Variants in MPRIP observed in about 807,000 individuals in gnomAD.
MPRIP encodes myosin phosphatase Rho-interacting protein.
A neutral mutation model predicts 234.9 loss-of-function variants in MPRIP; 59 were observed. That is an observed-to-expected ratio of 0.25 (90% CI 0.20 to 0.31). MPRIP has a LOEUF of 0.31. MPRIP is among the 10% of genes least tolerant of loss of function. The probability of loss-of-function intolerance (pLI) is 1.00; values close to 1 mark genes in which losing one functional copy is unlikely to be tolerated. For missense variants in MPRIP, 2,436 were observed against 3,071.0 expected, an observed-to-expected ratio of 0.79 and a Z score of 4.89; for synonymous variants, 1,144 against 1,263.9, an observed-to-expected ratio of 0.91 and a Z score of 2.01.
chr17:17,047,026 A>G (rs750016857), intron 1 of MPRIP, among the ~76,000 whole-genome samples: 1 of 152,052 alleles, frequency 6.6e-6, no homozygotes, highest in Non-Finnish European at 1.5e-5. Flanking sequence ...AAAAATACAA[A>G]AACTAGCTGG....
rs144243723 is a variant in MPRIP, at chr17:17,098,041, A to G, written c.267+19965A>G. On this transcript the variant is annotated intron_variant, in intron 3 of 23. Coordinates refer to ENST00000651222, the MANE Select transcript of MPRIP (RefSeq NM_001364716.4). ...AGGAAGCTGGGGGTGATGGGCCTTC[A>G]TCCACCTGCCATGTTGCCTCCCTGC... is the stretch of plus-strand genomic sequence containing the variant. Among the ~76,000 whole-genome samples, 206 of 152,254 alleles carry G rather than the reference A, an allele frequency of 1.4e-3. 1 individual carries two copies. The highest frequency in any genetic ancestry group is 2.9e-3 in the Admixed American group (44 of 15,290).
rs1405862534 is a variant in MPRIP at position 17,167,962 on chromosome 17, G to A, written c.6324+47G>A. 7.9e-7 allele frequency: 1 copy of A among 1,260,026 alleles called. No individual in the cohort carries two copies. The highest frequency in any genetic ancestry group is 1.0e-6 in the Non-Finnish European group (1 of 964,320). The allele number at this position is 1,260,026 out of a possible 1,614,324, so 78.1% of individuals were successfully genotyped here. A position where few individuals can be genotyped will look rare whatever the true frequency, so the allele number is the denominator to read the frequency against. The stretch of plus-strand genomic sequence containing the variant: ...TGCAGAGCAGATCTTCCTTGATAAT[G>A]GGGTGGGTGTGGGGACGTCTGGCTC... On this transcript the variant is annotated intron_variant, in intron 16 of 23. Transcript: ENST00000651222. This position sits in a 1 kb window ranked among gnomAD's most constrained non-coding sequence, Gnocchi z 5.9.
intron 3 of MPRIP, among the ~76,000 whole-genome samples, chr17:17,113,052 C>G (rs2090205307): frequency 6.6e-6 from 1 of 152,230 alleles, no homozygotes; most frequent in Non-Finnish European, 1.5e-5. Context: ...CACTTGGGGA[C>G]TCCCCAGGGT....
chr17:17,168,199 T>A, intron 16 of MPRIP: 1 of 307,052 alleles, frequency 3.3e-6, no homozygotes, highest in South Asian at 2.8e-5. Flanking sequence ...GCCTGCCTAA[T>A]GCGGCCTCTC....
chr17:17,175,742 A>C (rs1340954294), intron 20 of MPRIP, among the ~76,000 whole-genome samples: 1 of 152,228 alleles, frequency 6.6e-6, no homozygotes, highest in East Asian at 1.9e-4. Flanking sequence ...GCTGCAGCTC[A>C]GGTCAGGGAG....
chr17:17,157,324 C>G (rs2045750491), intron 13 of MPRIP, among the ~76,000 whole-genome samples: 1 of 152,230 alleles, frequency 6.6e-6, no homozygotes, highest in Non-Finnish European at 1.5e-5. Flanking sequence ...TGAGCACGAC[C>G]TGCGCAGCTC....
chr17:17,113,312 G>A (rs1394081699), intron 3 of MPRIP, among the ~76,000 whole-genome samples: 2 of 152,218 alleles, frequency 1.3e-5, no homozygotes, highest in Non-Finnish European at 2.9e-5. Context: ...TTTGCCAGTA[G>A]CTGTTCTCAC....
intron 15 of MPRIP, among the ~76,000 whole-genome samples, 160 bp downstream of exon 15, chr17:17,161,516 A>G (rs1367562435): frequency 2.6e-5 from 4 of 152,296 alleles, no homozygotes; most frequent in South Asian, 4.1e-4. Flanking sequence ...TGGACACTCA[A>G]TGTGCTTGGG....
In MPRIP at chr17:17,172,811, T is replaced by A. The variant is rs1023568348; in HGVS notation, c.6586T>A (p.Tyr2196Asn). The A allele has an allele frequency of 6.2e-7, 1 of 1,611,406 alleles. No homozygotes were observed. The highest frequency in any genetic ancestry group is 8.5e-7 in the Non-Finnish European group (1 of 1,179,378). Residue 2196 changes from tyrosine (Y) to asparagine (N), a missense_variant, in exon 18 of 24, where the codon TAC (tyrosine) becomes AAC (asparagine). Physicochemically the swap from Tyr to Asn is moderately radical, Grantham distance 143 (BLOSUM62 -2). Coordinates refer to ENST00000651222, the MANE Select transcript of MPRIP (RefSeq NM_001364716.4). ...NSDVEALRRQ[Y>N]LEELQSVQRE... ...GGATGTTGAGGCCCTGCGGCGCCAG[T>A]ACCTGTAAGTGGCTGGGCCTGCCCA...
intron 1 of MPRIP, among the ~76,000 whole-genome samples, chr17:17,064,442 C>T (rs1456743731): frequency 6.6e-6 from 1 of 152,194 alleles, no homozygotes; most frequent in South Asian, 2.1e-4. Flanking sequence ...CCCATGTACC[C>T]CTTTGCCCAG....
chr17:17,153,190 G>A (rs763438108), intron 12 of MPRIP, among the ~76,000 whole-genome samples: 3 of 152,182 alleles, frequency 2.0e-5, no homozygotes, highest in Non-Finnish European at 4.4e-5. Context: ...GGCATGTGGA[G>A]GGGCAGGTCA....
At chr17:17,147,497 C>G in intron 11 of MPRIP, 110 bp downstream of exon 11, 1 of 1,055,822 alleles carries the variant, frequency 9.5e-7, no homozygotes, top group Admixed American at 1.8e-5. Flanking sequence ...CTTCTGAGGA[C>G]AGCGCCCTTC....
At position 17,064,648 on chromosome 17, in the gene MPRIP, TG is replaced by T. The variant is rs2088968590; in HGVS notation, c.124-11060del. Among the ~76,000 whole-genome samples, 43 of 152,326 alleles carry T rather than the reference TG, an allele frequency of 2.8e-4. No homozygotes were observed. In the South Asian group the frequency reaches 8.7e-3, roughly 31 times the overall value. On this transcript the variant is annotated intron_variant, in intron 1 of 23. Coordinates refer to ENST00000651222, the MANE Select transcript of MPRIP (RefSeq NM_001364716.4). ...GTTATGTGAAGAAAATCATACAACC[TG>T]GAACCTTTGAGATTGGCTTTTTTCA...
rs779918960 is a variant in MPRIP at position 17,143,669 on chromosome 17, G to A, written c.1503G>A (p.Thr501=). ...GGAGGTCCACGGAGCCCTCCGTGAC[G>A]GTGAGCCCAGGCGCCGCGTCCTCCG... The part of the protein sequence containing the change: ...LDRRSTEPSV[T]PDLLNFKKGW... Residue 501 remains threonine, a splice_region_variant and synonymous_variant, in exon 9 of 24, where the codon ACG becomes ACA. Coordinates refer to ENST00000651222, the MANE Select transcript of MPRIP (RefSeq NM_001364716.4). 5.0e-6 allele frequency: 8 copies of A among 1,590,082 alleles called. No homozygotes were observed. The highest frequency in any genetic ancestry group is 1.3e-5 in the African/African-American group (1 of 74,162).
chr17:17,165,755 C>T lies in MPRIP; in HGVS notation c.4164C>T (p.Thr1388=), dbSNP rs1362131380. The part of the protein sequence containing the change: ...TYLSIIHSLE[T]KLYVTEEKLK... The stretch of plus-strand genomic sequence containing the variant: ...TCTCCATCATCCACTCCCTGGAGAC[C>T]AAGCTCTACGTCACAGAGGAAAAGC... The change falls in exon 16 of 24, where the codon ACC becomes ACT. Residue 1388 remains threonine, a synonymous_variant. Coordinates refer to ENST00000651222, the MANE Select transcript of MPRIP (RefSeq NM_001364716.4). 2 of 1,304,834 alleles carry T rather than the reference C, an allele frequency of 1.5e-6. No individual in the cohort carries two copies. The highest frequency in any genetic ancestry group is 2.0e-6 in the Non-Finnish European group (2 of 988,980). The allele number at this position is 1,304,834 out of a possible 1,614,324, so 80.8% of individuals were successfully genotyped here. A position where few individuals can be genotyped will look rare whatever the true frequency, so the allele number is the denominator to read the frequency against.
chr17:17,120,683 G>T (rs536514585), intron 3 of MPRIP, among the ~76,000 whole-genome samples: 1 of 147,316 alleles, frequency 6.8e-6, no homozygotes, highest in Admixed American at 6.7e-5. Flanking sequence ...CCTACAGAGG[G>T]CCGTCTCTTT....
At chr17:17,139,408 A>G (rs2090768273) in intron 7 of MPRIP, among the ~76,000 whole-genome samples, 1 of 152,204 alleles carries the variant, frequency 6.6e-6, no homozygotes, top group South Asian at 2.1e-4. Context: ...TCTTCCCAGA[A>G]GAGAGTTAGG....
chr17:17,045,411 G>A (rs1395752024), intron 1 of MPRIP, among the ~76,000 whole-genome samples: 3 of 152,188 alleles, frequency 2.0e-5, no homozygotes, highest in Non-Finnish European at 4.4e-5. Context: ...ACCTGGAAGG[G>A]ACTTGGAGAT....
intron 7 of MPRIP, among the ~76,000 whole-genome samples, chr17:17,139,818 A>G (rs922907450): frequency 1.3e-5 from 2 of 152,216 alleles, no homozygotes; most frequent in African/African-American, 4.8e-5. Context: ...AGGGAAAGGA[A>G]GGGCAGCCAA....
Sources: allele counts gnomAD v4.1 joint callset (sites outside exome capture counted in the v4.1 genomes callset), GRCh38; gene constraint gnomAD v4.1.1; non-coding constraint Gnocchi (gnomAD v3.1); transcripts MANE v1.5; gene names NCBI Gene and HGNC (gene_info 2026-07-23, HGNC 2026-07-21).